Variants in SCARB2 observed in about 807,000 individuals in gnomAD.
SCARB2 encodes the protein scavenger receptor class B member 2, also known as lysosome membrane protein 2.
In SCARB2, 29 loss-of-function variants were observed where a neutral mutation model predicts 58.6. The ratio of observed to expected loss-of-function variants is 0.49; its 90% confidence interval spans 0.37 to 0.67. The LOEUF is 0.67. Ranked by LOEUF, SCARB2 falls within the 30% of genes least tolerant of loss-of-function variation. The pLI, the probability that SCARB2 is intolerant of heterozygous loss-of-function variation, is 0.00. For synonymous variants in SCARB2, 195 were observed against 210.1 expected, an observed-to-expected ratio of 0.93 and a Z score of 0.62; for missense variants, 488 against 578.5, an observed-to-expected ratio of 0.84 and a Z score of 1.60.
At chr4:76,181,474 G>C (rs947629809) in intron 2 of SCARB2, among the ~76,000 whole-genome samples, 1 of 152,070 alleles carries the variant, frequency 6.6e-6, no homozygotes, top group Non-Finnish European at 1.5e-5. Flanking sequence ...ATTTCAATTT[G>C]TTTACCAATG....
intron 4 of SCARB2, among the ~76,000 whole-genome samples, chr4:76,178,283 T>C (rs1560709589): frequency 6.6e-6 from 1 of 152,180 alleles, no homozygotes; most frequent in Admixed American, 6.5e-5. Flanking sequence ...TCTATAATAA[T>C]AGGAGTGAAC....
chr4:76,211,725 T>C (rs568219971), intron 1 of SCARB2, among the ~76,000 whole-genome samples: 126 of 152,128 alleles, frequency 8.3e-4, no homozygotes, highest in Non-Finnish European at 1.6e-3. Context: ...CTACAGGTAA[T>C]CCAGGAAAAA....
At chr4:76,192,263 T>A (rs1388279472) in intron 2 of SCARB2, 2 of 152,218 alleles carry the variant, frequency 1.3e-5, no homozygotes, top group East Asian at 3.8e-4. Flanking sequence ...TCTTAAAGAC[T>A]GATTAAATGA....
At chr4:76,221,012 C>A (rs1381290293) in intron 1 of SCARB2, among the ~76,000 whole-genome samples, 2 of 152,140 alleles carry the variant, frequency 1.3e-5, no homozygotes, top group Non-Finnish European at 2.9e-5. Context: ...AACTCACAGG[C>A]CCCAAGGTCC....
At chr4:76,198,316 G>A (rs949523998) in intron 1 of SCARB2, among the ~76,000 whole-genome samples, 2 of 152,176 alleles carry the variant, frequency 1.3e-5, no homozygotes, top group Admixed American at 1.3e-4. Flanking sequence ...AACCTCCCTG[G>A]TTTATCTTGC....
At chr4:76,170,521 A>G (rs931106912) in intron 7 of SCARB2, among the ~76,000 whole-genome samples, 2 of 152,024 alleles carry the variant, frequency 1.3e-5, no homozygotes, top group Non-Finnish European at 2.9e-5. Flanking sequence ...TTTAAAATTA[A>G]AAAAAAATTT....
At chr4:76,168,502 A>G in intron 8 of SCARB2, 26 bp from the exon 9 acceptor site, 1 of 1,599,850 alleles carries the variant, frequency 6.3e-7, no homozygotes, top group Non-Finnish European at 8.6e-7. Context: ...GTGAAAAGGA[A>G]ACATTAGGAT....
intron 5 of SCARB2, 55 bp from the exon 6 acceptor site, chr4:76,175,965 C>A: frequency 6.2e-7 from 1 of 1,604,438 alleles, no homozygotes; most frequent in Admixed American, 1.7e-5. Context: ...AGTTTAGATT[C>A]TCTTAAATGG....
intron 1 of SCARB2, 38 bp downstream of exon 1, chr4:76,213,389 A>C (rs775863179): frequency 4.3e-6 from 6 of 1,396,758 alleles, no homozygotes; most frequent in African/African-American, 2.8e-5. Flanking sequence ...GGTGAGCTGG[A>C]CGACTCCACA....
In SCARB2 at chr4:76,180,934, G is replaced by A; in HGVS notation, c.423+20C>T. 1.2e-6 allele frequency: 2 copies of A among 1,601,396 alleles called. No individual in the cohort carries two copies. Among genetic ancestry groups the A allele is most frequent in the Non-Finnish European group, 1.7e-6 (2 of 1,172,702 alleles). ...CTTTCTTCCAAAATCCAACTTAATG[G>A]TATTAAAATGCCTACTTACCAATAC... is the stretch of plus-strand genomic sequence containing the variant. On this transcript the variant is annotated intron_variant, in intron 3 of 11. Transcript: ENST00000264896.
At chr4:76,228,488 AAAAG>A (rs1031359451) in intron 1 of SCARB2, among the ~76,000 whole-genome samples, 3 of 151,164 alleles carry the variant, frequency 2.0e-5, no homozygotes, top group African/African-American at 2.4e-5. Flanking sequence ...TAAAAAAAAA[AAAAG>A]AAAGAAAGAA....
chr4:76,175,713 A>G, intron 6 of SCARB2, 78 bp downstream of exon 6: 1 of 1,530,154 alleles, frequency 6.5e-7, no homozygotes, highest in Admixed American at 1.7e-5. Context: ...GTGTGTCTGC[A>G]TATATTCCTC....
chr4:76,175,503 A>G lies in SCARB2; in HGVS notation c.824+288T>C, dbSNP rs867060521. The G allele has an allele frequency of 7.2e-5, 30 of 418,478 alleles. 1 individual carries two copies. Among genetic ancestry groups the G allele is most frequent in the African/African-American group, 4.3e-4 (21 of 49,214 alleles). The allele number at this position is 418,478 out of a possible 1,614,324, so 25.9% of individuals were successfully genotyped here. ...ATAACAACCTCTAACATAGTTAACAATTTCTATCTTTGTTTTACAAATAAG... is the reference window on the plus strand; with the variant it reads ...ATAACAACCTCTAACATAGTTAACAGTTTCTATCTTTGTTTTACAAATAAG... On this transcript the variant is annotated intron_variant, in intron 6 of 11. Transcript: ENST00000264896.
At chr4:76,163,125 T>A in intron 11 of SCARB2, 100 bp downstream of exon 11, 1 of 1,481,766 alleles carries the variant, frequency 6.7e-7, no homozygotes, top group South Asian at 1.2e-5. Context: ...ATCCCAGAAT[T>A]TATCCTAATA....
intron 1 of SCARB2, among the ~76,000 whole-genome samples, chr4:76,222,605 G>C (rs997224333): frequency 6.6e-6 from 1 of 152,106 alleles, no homozygotes; most frequent in Non-Finnish European, 1.5e-5. Context: ...CTCAAGTTCC[G>C]GGTAATCATC....
At chr4:76,180,752 C>T in intron 3 of SCARB2, 1 of 354,698 alleles carries the variant, frequency 2.8e-6, no homozygotes, top group Non-Finnish European at 5.0e-6. Context: ...ATTTTGTCAT[C>T]ATTTGAAAAG....
chr4:76,163,447 A>G (rs773943057), intron 10 of SCARB2, 64 bp from the exon 11 acceptor site: 33 of 1,579,440 alleles, frequency 2.1e-5, no homozygotes, highest in Middle Eastern at 1.7e-4. Flanking sequence ...GTTTTTTGCT[A>G]TATCTTTCCT....
intron 2 of SCARB2, among the ~76,000 whole-genome samples, chr4:76,188,320 T>G (rs1051621441): frequency 3.3e-5 from 5 of 152,222 alleles, no homozygotes; most frequent in African/African-American, 2.4e-5. Context: ...CTGCTCAATC[T>G]GCAGCTTTAC....
At chr4:76,220,822 T>C (rs893143747) in intron 1 of SCARB2, among the ~76,000 whole-genome samples, 1 of 152,194 alleles carries the variant, frequency 6.6e-6, no homozygotes, top group Non-Finnish European at 1.5e-5. Context: ...CAGTCATAGG[T>C]ACATTTTCTG....
Sources: gnomAD v4.1 joint callset for allele counts (sites outside exome capture counted in the v4.1 genomes callset) on GRCh38, gnomAD v4.1.1 for gene constraint, MANE v1.5 for transcripts, NCBI Gene and HGNC (gene_info 2026-07-23, HGNC 2026-07-21) for gene names.